The following GRIK2 variants were observed in gnomAD, a reference collection of about 807,000 sequenced individuals.
GRIK2 encodes the protein glutamate receptor ionotropic, kainate 2.
GRIK2 carries 32 observed loss-of-function variants against 100.3 expected under a neutral mutation model. The observed-to-expected ratio is 0.32, with a 90% CI of 0.24 to 0.43. The LOEUF is 0.43. Among genes scored for constraint, GRIK2 ranks in the 20% least tolerant of loss-of-function variants. The pLI is 1.00. For synonymous variants in GRIK2, 417 were observed against 389.4 expected, an observed-to-expected ratio of 1.07 and a Z score of -0.83; for missense variants, 843 against 1,114.9, an observed-to-expected ratio of 0.76 and a Z score of 3.47.
intron 5 of GRIK2, among the ~76,000 whole-genome samples, chr6:101,681,720 G>C (rs1042659742): frequency 5.3e-5 from 8 of 152,092 alleles, no homozygotes; most frequent in Non-Finnish European, 1.2e-4. Context: ...CTTCATAAAT[G>C]AGTTTTTGTA....
Position 101,759,959 on chromosome 6 carries a change from T to G in GRIK2, c.952-39689T>G, listed in dbSNP as rs1477057886. Among the ~76,000 whole-genome samples, 34 of 101,868 alleles carry G rather than the reference T, an allele frequency of 3.3e-4. No homozygotes were observed. The East Asian group carries it at 3.8e-3, about 11-fold the overall frequency. 66.8% of individuals were successfully genotyped at this position (101,868 alleles called of 152,430 possible). A position where few individuals can be genotyped will look rare whatever the true frequency, so the allele number is the denominator to read the frequency against. On this transcript the variant is annotated intron_variant, in intron 7 of 16. Coordinates refer to ENST00000369134, the MANE Select transcript of GRIK2 (RefSeq NM_021956.5). ...TGCAGTGGCGCAATCTCGGCTCACT[T>G]CCCGGGTTCACGCCATTCTCCTGCC... is the stretch of plus-strand genomic sequence containing the variant.
At chr6:101,878,650 CTT>C (rs1355869631) in intron 11 of GRIK2, among the ~76,000 whole-genome samples, 2 of 151,974 alleles carry the variant, frequency 1.3e-5, no homozygotes, top group African/African-American at 4.8e-5. Flanking sequence ...GACTTTCTGA[CTT>C]ATCACGCTTT....
At chr6:101,609,388 G>A (rs1292442625) in intron 2 of GRIK2, among the ~76,000 whole-genome samples, 3 of 151,688 alleles carry the variant, frequency 2.0e-5, no homozygotes, top group Admixed American at 6.6e-5. Context: ...ATTCTAGTTA[G>A]CATTAGATAT....
intron 7 of GRIK2, among the ~76,000 whole-genome samples, chr6:101,737,173 C>T (rs1215299746): frequency 2.0e-5 from 3 of 152,128 alleles, no homozygotes; most frequent in East Asian, 3.9e-4. Flanking sequence ...TCCAAACTTT[C>T]CCACATTTTC....
At chr6:102,014,039 G>T (rs994339916) in intron 14 of GRIK2, among the ~76,000 whole-genome samples, 5 of 152,110 alleles carry the variant, frequency 3.3e-5, no homozygotes, top group Non-Finnish European at 5.9e-5. Context: ...GTAGAATTTG[G>T]TTATGATTCT....
At chr6:101,953,875 T>C (rs1317900829) in intron 14 of GRIK2, among the ~76,000 whole-genome samples, 1 of 152,096 alleles carries the variant, frequency 6.6e-6, no homozygotes, top group Non-Finnish European at 1.5e-5. Context: ...TTCTAAGAGT[T>C]TTATAGTTTT....
chr6:101,875,397 A>C (rs1410912034), intron 11 of GRIK2, among the ~76,000 whole-genome samples: 2 of 151,384 alleles, frequency 1.3e-5, no homozygotes, highest in African/African-American at 4.8e-5. Flanking sequence ...TAGAGATAAT[A>C]ATCTACACAT....
chr6:101,910,774 A>T (rs2128465407), intron 12 of GRIK2, among the ~76,000 whole-genome samples: 1 of 151,184 alleles, frequency 6.6e-6, no homozygotes, highest in East Asian at 1.9e-4. Flanking sequence ...TGCCATAGAA[A>T]TTACAGGAAA....
chr6:101,677,055 A>G (rs1770894008), intron 5 of GRIK2, among the ~76,000 whole-genome samples: 2 of 152,200 alleles, frequency 1.3e-5, no homozygotes, highest in South Asian at 4.1e-4. Flanking sequence ...GCTGTTGGTT[A>G]ATGAGATAGT....
intron 2 of GRIK2, among the ~76,000 whole-genome samples, chr6:101,547,626 A>G (rs938559731): frequency 4.6e-5 from 7 of 152,194 alleles, no homozygotes; most frequent in East Asian, 3.9e-4. Context: ...AGCTTCATCT[A>G]TGTCCCTACA....
At chr6:101,785,506 TAGG>T (rs1456098628) in intron 7 of GRIK2, among the ~76,000 whole-genome samples, 1 of 152,194 alleles carries the variant, frequency 6.6e-6, no homozygotes, top group Non-Finnish European at 1.5e-5. Context: ...TGATGAGAGA[TAGG>T]AGTCTAGTTT....
chr6:101,870,289 T>C (rs1405888451), intron 11 of GRIK2, among the ~76,000 whole-genome samples: 1 of 151,852 alleles, frequency 6.6e-6, no homozygotes, highest in Admixed American at 6.6e-5. Flanking sequence ...ACTATATCTC[T>C]AGGACTTAGC....
intron 3 of GRIK2, among the ~76,000 whole-genome samples, chr6:101,625,635 T>A (rs1780395189): frequency 6.6e-6 from 1 of 152,154 alleles, no homozygotes; most frequent in Non-Finnish European, 1.5e-5. Context: ...CAGTCTATTT[T>A]AATCTGAATA....
At chr6:101,905,488 G>T (rs1788157220) in intron 12 of GRIK2, among the ~76,000 whole-genome samples, 1 of 151,470 alleles carries the variant, frequency 6.6e-6, no homozygotes, top group South Asian at 2.1e-4. Context: ...GTTTCTTAAA[G>T]TTAGTAAAGT....
chr6:101,727,415 G>A (rs1774948179), intron 7 of GRIK2, among the ~76,000 whole-genome samples: 1 of 151,940 alleles, frequency 6.6e-6, no homozygotes, highest in African/African-American at 2.4e-5. Flanking sequence ...ATAAATTATT[G>A]GAGGGCATAG....
At chr6:101,647,055 T>TA (rs1421545030) in intron 4 of GRIK2, among the ~76,000 whole-genome samples, 1 of 151,846 alleles carries the variant, frequency 6.6e-6, no homozygotes. Flanking sequence ...TCTCCCTATA[T>TA]AAAAAAATGT....
intron 14 of GRIK2, among the ~76,000 whole-genome samples, chr6:102,023,323 T>C: frequency 6.6e-6 from 1 of 151,338 alleles, no homozygotes; most frequent in Non-Finnish European, 1.5e-5. Context: ...GTTTAAATGT[T>C]GTCAGTAAAA....
At position 101,988,528 on chromosome 6, in the gene GRIK2, T is replaced by C; in HGVS notation, c.2086-46813T>C. ...TGAATTCTGGTTCACCACATACTAG[T>C]TGTTTGACCTTGGACAAGCTACTTA... On this transcript the variant is annotated intron_variant, in intron 14 of 16. Coordinates refer to ENST00000369134, the MANE Select transcript of GRIK2 (RefSeq NM_021956.5). Among the ~76,000 whole-genome samples the C allele has an allele frequency of 1.3e-5, 2 of 151,806 alleles. 1 individual carries two copies. The highest frequency in any genetic ancestry group is 2.9e-5 in the Non-Finnish European group (2 of 67,852).
intron 2 of GRIK2, among the ~76,000 whole-genome samples, chr6:101,405,840 C>T (rs1426279076): frequency 6.6e-6 from 1 of 152,206 alleles, no homozygotes; most frequent in African/African-American, 2.4e-5. Flanking sequence ...TTGTCAGTTC[C>T]TTAGATATTT....
Sources: allele counts gnomAD v4.1 joint callset (sites outside exome capture counted in the v4.1 genomes callset), GRCh38; gene constraint gnomAD v4.1.1; transcripts MANE v1.5; gene names NCBI Gene and HGNC (gene_info 2026-07-23, HGNC 2026-07-21).